Variants in ZBTB17 observed in about 807,000 individuals in gnomAD.
ZBTB17 encodes the protein zinc finger and BTB domain containing 17.
ZBTB17 carries 24 observed loss-of-function variants against 85.1 expected under a neutral mutation model. The ratio of observed to expected loss-of-function variants is 0.28; its 90% CI spans 0.20 to 0.40. The LOEUF (loss-of-function observed/expected upper bound fraction) is 0.40, where lower values mean the gene tolerates loss of function less well. Among genes scored for constraint, ZBTB17 ranks in the 10% least tolerant of loss-of-function variants. The pLI is 1.00. For missense variants in ZBTB17, 743 were observed against 1,105.1 expected (o/e 0.67, Z 4.65); for synonymous variants, 464 against 460.2 (o/e 1.01, Z -0.11).
intron 9 of ZBTB17, 46 bp from the exon 10 acceptor site, chr1:15,943,941 C>T (rs2071469793): frequency 6.5e-7 from 1 of 1,534,570 alleles, no homozygotes; most frequent in Non-Finnish European, 8.8e-7. Flanking sequence ...AGAGCTCGGC[C>T]CCGGGCCCCC....
In ZBTB17 at chr1:15,942,602, G is replaced by A. The variant is rs1194649732; in HGVS notation, c.1965C>T (p.Ser655=). The A allele has an allele frequency of 1.9e-6, 3 of 1,613,026 alleles. No individual in the cohort carries two copies. The highest frequency in any genetic ancestry group is 2.5e-6 in the Non-Finnish European group (3 of 1,180,040). ...TGACCATGTCATCCACAGTGACCAC[G>A]CTGACCTCACTGCCCTCCTCGGGCT... ...ILEPEEGSEV[S]VVTVDDMVTL... is the part of the protein sequence containing the mutation. The change falls in exon 14 of 16, where the codon AGC becomes AGT. Residue 655 remains serine (S), a synonymous_variant. Coordinates refer to ENST00000375743, the MANE Select transcript of ZBTB17 (RefSeq NM_003443.3).
Position 15,942,312 on chromosome 1 carries a change from C to A in ZBTB17, c.2128+19G>T, listed in dbSNP as rs752552400. On this transcript the variant is annotated intron_variant, in intron 15 of 15. Transcript: ENST00000375743. Reference sequence around the variant, plus strand: ...ACCCCGGGCTCTGCCCACATTCACACCCGGGTGGCCCCCCTCACCTTCTTC... The same window carrying A: ...ACCCCGGGCTCTGCCCACATTCACAACCGGGTGGCCCCCCTCACCTTCTTC... 3 of 1,613,870 alleles carry A rather than the reference C, an allele frequency of 1.9e-6. No individual in the cohort carries two copies. The South Asian group carries it at 3.3e-5, about 18-fold the overall frequency.
Position 15,944,192 on chromosome 1 carries a change from G to A in ZBTB17, c.1371+108C>T, listed in dbSNP as rs751225377. The A allele has an allele frequency of 3.9e-5, 56 of 1,435,852 alleles. 1 individual carries two copies. The South Asian group carries it at 6.5e-4, about 17-fold the overall frequency. The allele number at this position is 1,435,852 out of a possible 1,614,324, so 88.9% of individuals were successfully genotyped here. Reference sequence around the variant, plus strand: ...GTTTCCTGGGTGAACAAGCTGATGAGCTCCTGGAGGCCGGGGCTGTGCTCC... The same window carrying A: ...GTTTCCTGGGTGAACAAGCTGATGAACTCCTGGAGGCCGGGGCTGTGCTCC... On this transcript the variant is annotated intron_variant, in intron 9 of 15. Coordinates refer to ENST00000375743, the MANE Select transcript of ZBTB17 (RefSeq NM_003443.3).
In ZBTB17 at chr1:15,945,895, T is replaced by C. The variant is rs538676128; in HGVS notation, c.536-55A>G. The C allele has an allele frequency of 1.3e-5, 21 of 1,566,666 alleles. No individual in the cohort carries two copies. In the East Asian group the frequency reaches 1.8e-4, roughly 13 times the overall value. ...TGCTACCCTCTGCCCAGGGGTCGGA[T>C]ACCTCTCCTGGACCAGCGCGCTGGT... On this transcript the variant is annotated intron_variant, in intron 5 of 15. Coordinates refer to ENST00000375743, the MANE Select transcript of ZBTB17 (RefSeq NM_003443.3).
At chr1:15,948,158 G>T in intron 3 of ZBTB17, 133 bp downstream of exon 3, 1 of 1,044,854 alleles carries the variant, frequency 9.6e-7, no homozygotes, top group Non-Finnish European at 1.4e-6. Context: ...AATTGCTCAT[G>T]GCCTGAAGCC....
chr1:15,945,478 T>G (rs2071560521), intron 6 of ZBTB17, among the ~76,000 whole-genome samples: 1 of 152,156 alleles, frequency 6.6e-6, no homozygotes, highest in African/African-American at 2.4e-5. Flanking sequence ...CAGCAGAAGC[T>G]CCAGGGCTTT....
rs111756461 is a variant in ZBTB17, at chr1:15,944,172, CTGGGTGAACAAGCTGA to C, written c.1371+112_1371+127del. On this transcript the variant is annotated intron_variant, in intron 9 of 15. Transcript: ENST00000375743. ...AAGTGGCTCTCGCTGCGCCTGTTTCCTGGGTGAACAAGCTGATGAGCTCCTGGAGGCCGGGGCTGTG... is the reference window on the plus strand; with the variant it reads ...AAGTGGCTCTCGCTGCGCCTGTTTCCTGAGCTCCTGGAGGCCGGGGCTGTG... 9,482 of 1,375,848 alleles carry C rather than the reference CTGGGTGAACAAGCTGA, an allele frequency of 6.9e-3. 513 individuals are homozygous for C. The African/African-American group carries it at 0.12, about 17-fold the overall frequency. 85.2% of individuals were successfully genotyped at this position (1,375,848 alleles called of 1,614,324 possible). A position where few individuals can be genotyped will look rare whatever the true frequency, so the allele number is the denominator to read the frequency against.
Position 15,944,523 on chromosome 1 carries a change from C to G in ZBTB17, c.1148G>C (p.Arg383Pro). The G allele has an allele frequency of 6.3e-7, 1 of 1,592,454 alleles. No individual in the cohort carries two copies. Among genetic ancestry groups the G allele is most frequent in the Non-Finnish European group, 8.5e-7 (1 of 1,174,156 alleles). ...LISLLNLHKK[R>P]HSGEARYRCE... ...GCGGTAGCGCGCCTCGCCCGAGTGCCGCTTCTTGTGCAGGTTCAGCAGGCT... is the reference window on the plus strand; with the variant it reads ...GCGGTAGCGCGCCTCGCCCGAGTGCGGCTTCTTGTGCAGGTTCAGCAGGCT... Residue 383 changes from arginine to proline, a missense_variant, in exon 9 of 16, where the codon CGG (arginine) becomes CCG (proline). Arg to Pro is a moderately radical substitution (Grantham distance 103). This residue lies in a region of ZBTB17 where 321 missense variants were observed against 615.7 expected (regional missense o/e 0.52). Coordinates refer to ENST00000375743, the MANE Select transcript of ZBTB17 (RefSeq NM_003443.3).
rs1236151714 is a variant in ZBTB17, at chr1:15,944,074, C to T, written c.1372-179G>A. ...AGCGGTGAGAGGTAAGCCGCCCCACCCCATTTTTTCAGGACCAAACCCCGC... is the reference window on the plus strand; with the variant it reads ...AGCGGTGAGAGGTAAGCCGCCCCACTCCATTTTTTCAGGACCAAACCCCGC... On this transcript the variant is annotated intron_variant, in intron 9 of 15. Transcript: ENST00000375743. The T allele has an allele frequency of 8.2e-6, 8 of 972,060 alleles. No homozygotes were observed. In the Admixed American group the frequency reaches 1.2e-4, roughly 14 times the overall value. The allele number at this position is 972,060 out of a possible 1,614,324, so 60.2% of individuals were successfully genotyped here. A position where few individuals can be genotyped will look rare whatever the true frequency, so the allele number is the denominator to read the frequency against.
rs9660676 is a variant in ZBTB17 at position 15,952,546 on chromosome 1, C to T, written c.-2-4049G>A. Among the ~76,000 whole-genome samples the T allele has an allele frequency of 0.18, 27,329 of 152,280 alleles. 3,142 individuals are homozygous for T. Among genetic ancestry groups the T allele is most frequent in the South Asian group, 0.28 (1,338 of 4,822 alleles). ...CCCATGGAGAGACGGTGTCTGTTTC[C>T]CTCCTGTCGGAATCTGGATGGCCCA... On this transcript the variant is annotated intron_variant, in intron 2 of 15. Transcript: ENST00000375743. The surrounding 1 kb of genome is among the most constrained non-coding windows in gnomAD (Gnocchi z 4.3).
intron 12 of ZBTB17, 90 bp downstream of exon 12, chr1:15,943,293 GGCGTGGGCAGCAGTCA>G: frequency 6.3e-7 from 1 of 1,597,782 alleles, no homozygotes. Flanking sequence ...CAGAGCCTGG[GGCGTGGGCAGCAGTCA>G]GCTCAGTCCC....
chr1:15,950,187 G>C (rs910523174), intron 2 of ZBTB17, among the ~76,000 whole-genome samples: 13 of 152,254 alleles, frequency 8.5e-5, no homozygotes, highest in African/African-American at 2.9e-4. Flanking sequence ...CGGCCACCTG[G>C]AGCAAAGCAC....
chr1:15,953,489 G>A lies in ZBTB17; in HGVS notation c.-2-4992C>T, dbSNP rs1193700383. Among the ~76,000 whole-genome samples the A allele has an allele frequency of 6.6e-6, 1 of 152,234 alleles. No homozygotes were observed. The stretch of plus-strand genomic sequence containing the variant: ...GAGGGTCAGAGGAGCTAAGAGAGCC[G>A]CCAAGGCTCCTGCGGGTGGGATTTG... On this transcript the variant is annotated intron_variant, in intron 2 of 15. Transcript: ENST00000375743. This position sits in a 1 kb window ranked among gnomAD's most constrained non-coding sequence, Gnocchi z 5.1.
chr1:15,952,373 T>G lies in ZBTB17; in HGVS notation c.-2-3876A>C, dbSNP rs545457720. 3.9e-5 allele frequency among the ~76,000 whole-genome samples: 6 copies of G among 152,204 alleles called. No individual in the cohort carries two copies. On this transcript the variant is annotated intron_variant, in intron 2 of 15. Transcript: ENST00000375743. This position sits in a 1 kb window ranked among gnomAD's most constrained non-coding sequence, Gnocchi z 4.3. ...ACTGGGGAACAAAAAAGTGAGGCAC[T>G]GAGGACACCTGCAGTGTGAGTCCGG...
Position 15,948,405 on chromosome 1 carries a change from C to T in ZBTB17, c.91G>A (p.Asp31Asn), listed in dbSNP as rs1409094932. Reference protein sequence around the residue: ...GLLCDCTFVVDGVHFKAHKAV... With the variant: ...GLLCDCTFVVNGVHFKAHKAV... ...TTATGAGCCTTAAAGTGAACACCGT[C>T]CACCACAAAGGTGCAGTCACAGAGA... The change falls in exon 3 of 16, where the codon GAC (aspartate) becomes AAC (asparagine). Residue 31 changes from aspartate (D) to asparagine (N), a missense_variant. Coordinates refer to ENST00000375743, the MANE Select transcript of ZBTB17 (RefSeq NM_003443.3). The T allele has an allele frequency of 1.2e-6, 2 of 1,614,048 alleles. No individual in the cohort carries two copies. The highest frequency in any genetic ancestry group is 8.5e-7 in the Non-Finnish European group (1 of 1,180,056).
intron 1 of ZBTB17, among the ~76,000 whole-genome samples, chr1:15,975,153 A>C (rs2072819730): frequency 2.0e-5 from 3 of 152,206 alleles, no homozygotes. Flanking sequence ...TGGGTCTCTG[A>C]GCTCTGGGTG....
rs1183798877 is a variant in ZBTB17, at chr1:15,969,548, C to G, written c.-3+3491G>C. 7.2e-5 allele frequency: 26 copies of G among 359,252 alleles called. 1 individual carries two copies. Among genetic ancestry groups the G allele is most frequent in the South Asian group, 4.9e-4 (23 of 47,096 alleles). 22.3% of individuals were successfully genotyped at this position (359,252 alleles called of 1,614,324 possible). On this transcript the variant is annotated intron_variant, in intron 2 of 15. Coordinates refer to ENST00000375743, the MANE Select transcript of ZBTB17 (RefSeq NM_003443.3). Reference sequence around the variant, plus strand: ...AGGCAGTAGTGTGGGGACTCCAGGTCCCAGAGGCCGCTCATGGGGTGGGAA... The same window carrying G: ...AGGCAGTAGTGTGGGGACTCCAGGTGCCAGAGGCCGCTCATGGGGTGGGAA...
chr1:15,975,934 GC>G, intron 1 of ZBTB17, 48 bp downstream of exon 1: 1 of 685,484 alleles, frequency 1.5e-6, no homozygotes, highest in African/African-American at 1.8e-5. Flanking sequence ...CGCCGCCTCC[GC>G]CCCGGCTCCC....
At chr1:15,945,301 G>T in intron 6 of ZBTB17, 99 bp from the exon 7 acceptor site, 1 of 1,481,162 alleles carries the variant, frequency 6.8e-7, no homozygotes. Flanking sequence ...AATGGCCCCA[G>T]CACTGGCCAA....
Sources: allele counts gnomAD v4.1 joint callset (sites outside exome capture counted in the v4.1 genomes callset), GRCh38; gene constraint gnomAD v4.1.1; regional missense constraint gnomAD v4.1.1; non-coding constraint Gnocchi (gnomAD v3.1); transcripts MANE v1.5; gene names NCBI Gene and HGNC (gene_info 2026-07-23, HGNC 2026-07-21).